Variants in ZNF536 observed in about 807,000 individuals in gnomAD.
The protein encoded by ZNF536 is zinc finger protein 536.
In ZNF536, 13 loss-of-function variants were observed where a neutral mutation model predicts 84.5. The ratio of observed to expected loss-of-function variants is 0.15; its 90% CI spans 0.10 to 0.24. The LOEUF is 0.24. Ranked by LOEUF, ZNF536 falls within the 10% of genes least tolerant of loss-of-function variation. ZNF536 has a pLI of 1.00. For synonymous variants in ZNF536, 811 were observed against 742.5 expected (o/e 1.09, Z -1.50); for missense variants, 1,536 against 1,747.5 (o/e 0.88, Z 2.16).
chr19:30,491,326 A>G (rs2054500830), intron 2 of ZNF536, among the ~76,000 whole-genome samples: 1 of 152,044 alleles, frequency 6.6e-6, no homozygotes, highest in African/African-American at 2.4e-5. Context: ...CTGTTCAGTA[A>G]ATTTTTCTGG....
intron 1 of ZNF536, among the ~76,000 whole-genome samples, chr19:30,605,468 T>TCA (rs1419063711): frequency 1.3e-5 from 2 of 152,230 alleles, no homozygotes; most frequent in African/African-American, 4.8e-5. Context: ...TGACTTCACT[T>TCA]GAAATGATGG....
At chr19:30,491,109 C>T (rs549420760) in intron 2 of ZNF536, among the ~76,000 whole-genome samples, 1 of 152,218 alleles carries the variant, frequency 6.6e-6, no homozygotes, top group East Asian at 1.9e-4. Flanking sequence ...TCGCTAGAGA[C>T]AATGTTGCCT....
intron 2 of ZNF536, among the ~76,000 whole-genome samples, chr19:30,326,438 C>T (rs2047026011): frequency 6.6e-6 from 1 of 152,198 alleles, no homozygotes; most frequent in Non-Finnish European, 1.5e-5. Context: ...CTTTAAACAG[C>T]AATGTCCTCT....
chr19:30,307,285 T>A (rs1416702743), intron 2 of ZNF536, among the ~76,000 whole-genome samples: 2 of 151,184 alleles, frequency 1.3e-5, no homozygotes, highest in Admixed American at 6.6e-5. Context: ...TTGCCTTTTT[T>A]AAAAAGAAAT....
chr19:30,672,909 G>A (rs1294236700), intron 1 of ZNF536, among the ~76,000 whole-genome samples: 1 of 152,222 alleles, frequency 6.6e-6, no homozygotes, highest in Non-Finnish European at 1.5e-5. Flanking sequence ...ACAACCTCAA[G>A]AAAGCTGCGG....
intron 1 of ZNF536, among the ~76,000 whole-genome samples, chr19:30,679,065 C>A (rs1367873486): frequency 6.6e-6 from 1 of 152,110 alleles, no homozygotes; most frequent in Non-Finnish European, 1.5e-5. Context: ...AGTAGATTCT[C>A]TCAGTGGCAA....
chr19:30,692,332 T>G (rs2051446878), intron 1 of ZNF536, among the ~76,000 whole-genome samples: 1 of 152,214 alleles, frequency 6.6e-6, no homozygotes, highest in African/African-American at 2.4e-5. Context: ...ATCAAATTTT[T>G]TTCCCCTTCT....
At chr19:30,302,842 C>T (rs756655984) in intron 2 of ZNF536, among the ~76,000 whole-genome samples, 11 of 152,052 alleles carry the variant, frequency 7.2e-5, no homozygotes, top group East Asian at 3.9e-4. Context: ...GTGCAGCAGA[C>T]GCAGTGCACC....
At chr19:30,439,910 A>T (rs188641066) in intron 1 of ZNF536, among the ~76,000 whole-genome samples, 3 of 150,848 alleles carry the variant, frequency 2.0e-5, no homozygotes, top group Admixed American at 6.6e-5. Context: ...GGGTGTGGAC[A>T]GCTTTTCCTT....
At chr19:30,358,935 G>A (rs947933364) in intron 3 of ZNF536, among the ~76,000 whole-genome samples, 2 of 152,178 alleles carry the variant, frequency 1.3e-5, no homozygotes, top group African/African-American at 2.4e-5. Context: ...TCACTCTTGG[G>A]GAGCTGTCAT....
chr19:30,419,819 A>G (rs535089411), intron 1 of ZNF536, among the ~76,000 whole-genome samples: 3 of 152,146 alleles, frequency 2.0e-5, no homozygotes, highest in Non-Finnish European at 1.5e-5. Context: ...TCCAGGCAGG[A>G]CTCCCAACAC....
At chr19:30,457,575 G>C (rs1029395512) in intron 2 of ZNF536, among the ~76,000 whole-genome samples, 1 of 152,196 alleles carries the variant, frequency 6.6e-6, no homozygotes, top group African/African-American at 2.4e-5. Flanking sequence ...GCACTCTGGG[G>C]GACGCAGGAC....
At chr19:30,646,235 C>T (rs1335339405) in intron 1 of ZNF536, among the ~76,000 whole-genome samples, 2 of 152,186 alleles carry the variant, frequency 1.3e-5, no homozygotes, top group African/African-American at 2.4e-5. Context: ...GGGGCCTTTC[C>T]CCCTGTCATG....
At chr19:30,580,657 C>T (rs1210309019) in intron 1 of ZNF536, among the ~76,000 whole-genome samples, 1 of 152,218 alleles carries the variant, frequency 6.6e-6, no homozygotes. Context: ...CAGACGTCAT[C>T]TAAGCCCTCT....
chr19:30,600,616 G>T (rs2047650770), intron 1 of ZNF536, among the ~76,000 whole-genome samples: 1 of 152,184 alleles, frequency 6.6e-6, no homozygotes, highest in South Asian at 2.1e-4. Flanking sequence ...GGAAGAGCAT[G>T]GGGCATATTG....
At chr19:30,620,575 T>G (rs543909579) in intron 1 of ZNF536, among the ~76,000 whole-genome samples, 382 of 152,196 alleles carry the variant, frequency 2.5e-3, no homozygotes, top group Non-Finnish European at 3.9e-3. Flanking sequence ...TGAGACGGCC[T>G]CTCTCCTGGG....
At chr19:30,493,316 A>G (rs1219588032) in intron 2 of ZNF536, among the ~76,000 whole-genome samples, 3 of 152,074 alleles carry the variant, frequency 2.0e-5, no homozygotes, top group Non-Finnish European at 4.4e-5. Flanking sequence ...GTTAGAGAAA[A>G]TGTAAGGCTT....
At chr19:30,615,963 A>G (rs1283451835) in intron 1 of ZNF536, among the ~76,000 whole-genome samples, 1 of 151,476 alleles carries the variant, frequency 6.6e-6, no homozygotes, top group African/African-American at 2.4e-5. Context: ...CTTTTTCTCG[A>G]TCATGTTTTT....
chr19:30,644,540 C>T (rs963926244), intron 1 of ZNF536, among the ~76,000 whole-genome samples: 14 of 152,102 alleles, frequency 9.2e-5, no homozygotes, highest in African/African-American at 1.9e-4. Context: ...CAACAGGCCT[C>T]GGTGTGTGAT....
Sources: gnomAD v4.1 joint callset for allele counts (sites outside exome capture counted in the v4.1 genomes callset) on GRCh38, gnomAD v4.1.1 for gene constraint, MANE v1.5 for transcripts, NCBI Gene and HGNC (gene_info 2026-07-23, HGNC 2026-07-21) for gene names.